PCID2: variants seen among roughly 807,000 people sequenced by gnomAD.
PCID2 encodes PCI domain-containing protein 2.
PCID2 carries 41 observed loss-of-function variants against 61.3 expected under a neutral mutation model. The observed-to-expected ratio is 0.67, with a 90% CI of 0.52 to 0.87. The LOEUF is 0.87. Ranked by LOEUF, PCID2 falls within the 40% of genes least tolerant of loss-of-function variation. The probability of loss-of-function intolerance (pLI) is 0.00; values close to 1 mark genes in which losing one functional copy is unlikely to be tolerated. For synonymous variants in PCID2, 187 were observed against 177.8 expected, an observed-to-expected ratio of 1.05 and a Z score of -0.41; for missense variants, 392 against 493.4, an observed-to-expected ratio of 0.79 and a Z score of 1.95.
At chr13:113,201,075 C>T (rs572151846) in intron 1 of PCID2, among the ~76,000 whole-genome samples, 1 of 152,226 alleles carries the variant, frequency 6.6e-6, no homozygotes, top group African/African-American at 2.4e-5. Flanking sequence ...AAATATACAG[C>T]TTATGAAAAA....
chr13:113,169,753 G>C, the PCID2 span, among the ~76,000 whole-genome samples: 1 of 152,232 alleles, frequency 6.6e-6, no homozygotes, highest in East Asian at 1.9e-4. Flanking sequence ...TTCCCAGCTT[G>C]TGTGAGTGTC....
chr13:113,170,298 G>A, the PCID2 span: 1 of 668,264 alleles, frequency 1.5e-6, no homozygotes, highest in Non-Finnish European at 2.7e-6. Context: ...TCTGCCTTTG[G>A]CGGGGGGTGG....
chr13:113,176,346 A>G (rs1251343561), downstream of PCID2, among the ~76,000 whole-genome samples: 5 of 141,282 alleles, frequency 3.5e-5, no homozygotes, highest in African/African-American at 1.3e-4. Context: ...TGTCCCCCAA[A>G]TTTCTTACAT....
intron 13 of PCID2, 21 bp from the exon 14 acceptor site, chr13:113,178,308 A>G (rs1279680402): frequency 6.3e-7 from 1 of 1,586,194 alleles, no homozygotes; most frequent in East Asian, 2.2e-5. Flanking sequence ...GAAAGGGAGG[A>G]ATGCGTTTAC....
In PCID2 at chr13:113,178,176, GTCC is replaced by G; in HGVS notation, c.*19_*21del. Reference sequence around the variant, plus strand: ...AGTGGAAAGAAACAACTGCTCACCCGTCCTCGGGGCTCCGTGTACTTTCAACAC... The same window carrying G: ...AGTGGAAAGAAACAACTGCTCACCCGTCGGGGCTCCGTGTACTTTCAACAC... On this transcript the variant is annotated 3_prime_UTR_variant, in exon 14 of 14. Coordinates refer to ENST00000337344, the MANE Select transcript of PCID2 (RefSeq NM_001127202.4). 1 of 1,584,380 alleles carries G rather than the reference GTCC, an allele frequency of 6.3e-7. No individual in the cohort carries two copies. Among genetic ancestry groups the G allele is most frequent in the Non-Finnish European group, 8.7e-7 (1 of 1,153,494 alleles).
At chr13:113,192,770 T>C (rs2038720728) in intron 6 of PCID2, among the ~76,000 whole-genome samples, 2 of 152,178 alleles carry the variant, frequency 1.3e-5, no homozygotes, top group Admixed American at 6.5e-5. Flanking sequence ...CTCAGTAAGC[T>C]AATATACTCC....
intron 1 of PCID2, among the ~76,000 whole-genome samples, chr13:113,206,861 T>C (rs564474919): frequency 6.6e-6 from 1 of 152,342 alleles, no homozygotes; most frequent in African/African-American, 2.4e-5. Context: ...AGCCCCTGTC[T>C]ACTCTCTCTA....
chr13:113,189,378 C>T (rs916458286), intron 7 of PCID2, among the ~76,000 whole-genome samples: 2 of 151,910 alleles, frequency 1.3e-5, no homozygotes, highest in Admixed American at 6.6e-5. Context: ...TCTTTTCTTA[C>T]ATTCCCCAGC....
the PCID2 span, among the ~76,000 whole-genome samples, chr13:113,167,258 C>T: frequency 6.6e-6 from 1 of 152,136 alleles, no homozygotes; most frequent in Non-Finnish European, 1.5e-5. Flanking sequence ...AGGATCTCAC[C>T]CCTAGAGGTG....
In PCID2 at chr13:113,195,140, A is replaced by AG. The variant is rs752318076; in HGVS notation, c.309-16dup. 2 of 1,587,598 alleles carry AG rather than the reference A, an allele frequency of 1.3e-6. No homozygotes were observed. The highest frequency in any genetic ancestry group is 3.3e-5 in the Admixed American group (2 of 59,974). ...CAGGCAGAGCCCTGCAGGGCAAAAAAGTAAACAAGTGTGAGGGGCTACGTG... is the reference window on the plus strand; with the variant it reads ...CAGGCAGAGCCCTGCAGGGCAAAAAAGGTAAACAAGTGTGAGGGGCTACGTG... On this transcript the variant is annotated splice_polypyrimidine_tract_variant and intron_variant, in intron 5 of 13. Coordinates refer to ENST00000337344, the MANE Select transcript of PCID2 (RefSeq NM_001127202.4).
At chr13:113,201,247 G>C (rs2025316) in intron 1 of PCID2, among the ~76,000 whole-genome samples, 141,058 of 152,210 alleles carry the variant, frequency 0.93, 66,312 homozygotes, top group East Asian at 1. Flanking sequence ...TATGTAGTAA[G>C]ATGAGAAAAT....
At chr13:113,205,437 T>G (rs1411537552) in intron 1 of PCID2, among the ~76,000 whole-genome samples, 1 of 152,256 alleles carries the variant, frequency 6.6e-6, no homozygotes, top group Non-Finnish European at 1.5e-5. Flanking sequence ...TGTAAAATGA[T>G]GCAGCTAGCT....
Position 113,190,869 on chromosome 13 carries a change from C to CA in PCID2, c.467+2dup. On this transcript the variant is annotated splice_region_variant and intron_variant, in intron 7 of 13. Coordinates refer to ENST00000337344, the MANE Select transcript of PCID2 (RefSeq NM_001127202.4). ...GGTGGTCGGTCCTCAAGTCCTTACT[C>CA]ACGTGTCGCTGGCACAGACCCGGAA... The CA allele has an allele frequency of 6.3e-7, 1 of 1,597,484 alleles. No individual in the cohort carries two copies. Among genetic ancestry groups the CA allele is most frequent in the Non-Finnish European group, 8.6e-7 (1 of 1,166,838 alleles).
chr13:113,179,956 T>A lies in PCID2; in HGVS notation c.947A>T (p.Lys316Met). 6.2e-7 allele frequency: 1 copy of A among 1,613,922 alleles called. No homozygotes were observed. The highest frequency in any genetic ancestry group is 8.5e-7 in the Non-Finnish European group (1 of 1,179,890). The change falls in exon 12 of 14, where the codon AAG becomes ATG. Residue 316 changes from lysine to methionine, a missense_variant. Around this residue, in one of 3 missense-constraint regions of PCID2, gnomAD observed 226 missense variants for 296.5 expected, o/e 0.76. Coordinates refer to ENST00000337344, the MANE Select transcript of PCID2 (RefSeq NM_001127202.4). This position sits in a 1 kb window ranked among gnomAD's most constrained non-coding sequence, Gnocchi z 4.3. ...GTTCCTGTAGGTGATGATCTTCAGC[T>A]TCTCCAGGATGAGGAAGATTCCGCA... ...IRCGIFLILE[K>M]LKIITYRNLF...
At chr13:113,206,325 T>C (rs1316808878) in intron 1 of PCID2, among the ~76,000 whole-genome samples, 4 of 152,242 alleles carry the variant, frequency 2.6e-5, no homozygotes, top group African/African-American at 7.2e-5. Context: ...CTTTAAAGTC[T>C]ATGGTCTCTT....
intron 4 of PCID2, 37 bp downstream of exon 4, chr13:113,197,141 T>C (rs1250290609): frequency 1.2e-6 from 2 of 1,614,114 alleles, no homozygotes; most frequent in South Asian, 1.1e-5. Flanking sequence ...CTGCATGTGT[T>C]CTATGCGGGA....
chr13:113,176,572 T>TCACCCA (rs2138626523), downstream of PCID2, among the ~76,000 whole-genome samples: 2 of 3,762 alleles, frequency 5.3e-4, no homozygotes, highest in Non-Finnish European at 0.062. Context: ...GACCAGCCTG[T>TCACCCA]GCAATATTAG....
chr13:113,191,309 C>T (rs1258941754), intron 6 of PCID2, among the ~76,000 whole-genome samples: 2 of 152,008 alleles, frequency 1.3e-5, no homozygotes, highest in Non-Finnish European at 2.9e-5. Flanking sequence ...GTTGGGATTA[C>T]AGGCATGAGC....
chr13:113,178,120 A>C lies in PCID2; in HGVS notation c.*78T>G. The C allele has an allele frequency of 2.1e-6, 2 of 961,632 alleles. No individual in the cohort carries two copies. 59.6% of individuals were successfully genotyped at this position (961,632 alleles called of 1,614,324 possible). On this transcript the variant is annotated 3_prime_UTR_variant, in exon 14 of 14. Coordinates refer to ENST00000337344, the MANE Select transcript of PCID2 (RefSeq NM_001127202.4). Reference sequence around the variant, plus strand: ...TTCCGGCTTCAGGGAGCCTTGTTGCAGTACCGGACCGGTCTCATCAGCACA... The same window carrying C: ...TTCCGGCTTCAGGGAGCCTTGTTGCCGTACCGGACCGGTCTCATCAGCACA...
Sources: gnomAD v4.1 joint callset for allele counts (sites outside exome capture counted in the v4.1 genomes callset) on GRCh38, gnomAD v4.1.1 for gene constraint, gnomAD v4.1.1 regional missense constraint, Gnocchi (gnomAD v3.1) non-coding constraint, MANE v1.5 for transcripts, NCBI Gene and HGNC (gene_info 2026-07-23, HGNC 2026-07-21) for gene names.